Variants in MAST4 observed in about 807,000 individuals in gnomAD.
MAST4 encodes microtubule-associated serine/threonine-protein kinase 4.
A neutral mutation model predicts 162.7 loss-of-function variants in MAST4; 89 were observed. The ratio of observed to expected loss-of-function variants is 0.55; its 90% CI spans 0.46 to 0.65. MAST4 has a LOEUF of 0.65. Among genes scored for constraint, MAST4 ranks in the 30% least tolerant of loss-of-function variants. The pLI is 0.00. For synonymous variants in MAST4, 1,479 were observed against 1,361.1 expected (o/e 1.09, Z -1.91); for missense variants, 3,153 against 3,374.0 (o/e 0.93, Z 1.62).
intron 4 of MAST4, among the ~76,000 whole-genome samples, chr5:67,042,142 A>G (rs902421316): frequency 6.6e-6 from 1 of 152,200 alleles, no homozygotes; most frequent in Non-Finnish European, 1.5e-5. Flanking sequence ...GTATATCCAT[A>G]TGTCTCATGC....
intron 1 of MAST4, among the ~76,000 whole-genome samples, chr5:66,709,215 T>A (rs963703444): frequency 6.6e-6 from 1 of 152,176 alleles, no homozygotes; most frequent in East Asian, 1.9e-4. Flanking sequence ...TTGCTGATAC[T>A]TTGCTTTGTT....
intron 4 of MAST4, among the ~76,000 whole-genome samples, chr5:67,017,589 CTTTCTTTTTTCT>C (rs1051204187): frequency 1.3e-5 from 2 of 148,820 alleles, no homozygotes; most frequent in African/African-American, 2.5e-5. Flanking sequence ...GTATTTCTTT[CTTTCTTTTTTCT>C]TTTCTTTTTT....
At chr5:66,613,057 G>T (rs1414904126) in intron 1 of MAST4, among the ~76,000 whole-genome samples, 1 of 152,030 alleles carries the variant, frequency 6.6e-6, no homozygotes, top group African/African-American at 2.4e-5. Context: ...TATCTTGCTA[G>T]GTAATTAAAC....
At chr5:66,887,129 G>A (rs1013746032) in intron 3 of MAST4, among the ~76,000 whole-genome samples, 12 of 152,176 alleles carry the variant, frequency 7.9e-5, no homozygotes, top group Non-Finnish European at 1.6e-4. Flanking sequence ...TGTCACAAAT[G>A]TGATGCCATT....
intron 11 of MAST4, among the ~76,000 whole-genome samples, chr5:67,113,313 C>CAAAAAAA (rs34018550): frequency 1.2e-4 from 8 of 67,376 alleles, no homozygotes; most frequent in Admixed American, 4.6e-4. Flanking sequence ...GACTCCGTCT[C>CAAAAAAA]AAAAAAAAAA....
chr5:67,031,447 T>C (rs1467274469), intron 4 of MAST4, among the ~76,000 whole-genome samples: 1 of 150,292 alleles, frequency 6.7e-6, no homozygotes, highest in African/African-American at 2.4e-5. Context: ...GGCCCTGTTA[T>C]CATAATGGAT....
rs374941702 is a variant in MAST4 at position 67,108,440 on chromosome 5, A to G, written c.1357-1658A>G. ...AACCGTATTTTTTGGCATTCACTGG[A>G]TCTTCCAAAAATCTATTTTTGTTGC... On this transcript the variant is annotated intron_variant, in intron 10 of 28. Coordinates refer to ENST00000403625, the MANE Select transcript of MAST4 (RefSeq NM_001164664.2). Among the ~76,000 whole-genome samples, 93 of 152,266 alleles carry G rather than the reference A, an allele frequency of 6.1e-4. 1 individual carries two copies. In the South Asian group the frequency reaches 9.5e-3, roughly 16 times the overall value.
chr5:67,091,793 T>TA (rs946244173), intron 6 of MAST4, among the ~76,000 whole-genome samples: 3 of 151,996 alleles, frequency 2.0e-5, no homozygotes, highest in Non-Finnish European at 2.9e-5. Flanking sequence ...TCCATGCTAT[T>TA]AAAAAAATAC....
intron 3 of MAST4, among the ~76,000 whole-genome samples, chr5:66,845,844 T>C (rs1758816784): frequency 6.6e-6 from 1 of 152,140 alleles, no homozygotes; most frequent in African/African-American, 2.4e-5. Flanking sequence ...AATAAATAAA[T>C]AGACATTTAT....
At chr5:66,934,824 C>T (rs576121557) in intron 4 of MAST4, among the ~76,000 whole-genome samples, 1 of 152,154 alleles carries the variant, frequency 6.6e-6, no homozygotes, top group African/African-American at 2.4e-5. Context: ...TGTTGTCAAA[C>T]CATGAGCTCT....
intron 3 of MAST4, among the ~76,000 whole-genome samples, chr5:66,848,949 C>T (rs959783275): frequency 1.3e-5 from 2 of 152,128 alleles, no homozygotes; most frequent in Admixed American, 1.3e-4. Context: ...TGCTGCGTTC[C>T]CCAGCGTTAT....
intron 4 of MAST4, among the ~76,000 whole-genome samples, chr5:66,921,354 G>C (rs1687409045): frequency 6.6e-6 from 1 of 152,178 alleles, no homozygotes; most frequent in Admixed American, 6.5e-5. Context: ...ACCTAATGAG[G>C]TGAGGTAAAC....
At chr5:66,709,786 T>C (rs912741709) in intron 1 of MAST4, among the ~76,000 whole-genome samples, 3 of 152,226 alleles carry the variant, frequency 2.0e-5, no homozygotes, top group Admixed American at 2.0e-4. Flanking sequence ...GAATCCCCAC[T>C]TTATAACTTA....
intron 5 of MAST4, among the ~76,000 whole-genome samples, chr5:67,084,881 T>C (rs999448216): frequency 1.9e-4 from 29 of 152,302 alleles, no homozygotes; most frequent in African/African-American, 7.0e-4. Flanking sequence ...GATTTAAAAA[T>C]GTTATTTGCT....
chr5:66,849,742 A>G (rs1376919191), intron 3 of MAST4, among the ~76,000 whole-genome samples: 1 of 152,208 alleles, frequency 6.6e-6, no homozygotes, highest in East Asian at 1.9e-4. Context: ...TACATGGTCA[A>G]TAAATATTTG....
intron 4 of MAST4, among the ~76,000 whole-genome samples, chr5:66,910,741 C>CTTTTTTTTTTTTTTTT (rs1176127841): frequency 5.0e-4 from 10 of 20,100 alleles, no homozygotes; most frequent in African/African-American, 1.0e-3. Context: ...TTTTTTTTTT[C>CTTTTTTTTTTTTTTTT]TTTTTTTTTT....
At chr5:66,834,170 T>C (rs2149766490) in intron 3 of MAST4, among the ~76,000 whole-genome samples, 1 of 151,290 alleles carries the variant, frequency 6.6e-6, no homozygotes, top group East Asian at 1.9e-4. Flanking sequence ...GAGAAGAACT[T>C]AATAGAGGGT....
At chr5:66,715,666 A>T (rs978232983) in intron 1 of MAST4, among the ~76,000 whole-genome samples, 1 of 136,450 alleles carries the variant, frequency 7.3e-6, no homozygotes, top group Admixed American at 8.2e-5. Flanking sequence ...AACTTAAAGT[A>T]TAATAATAAT....
chr5:66,600,924 A>T (rs894707054), intron 1 of MAST4, among the ~76,000 whole-genome samples: 2 of 152,160 alleles, frequency 1.3e-5, no homozygotes, highest in Non-Finnish European at 2.9e-5. Context: ...ACCCATGTAT[A>T]CTCTGCTACA....
Sources: allele counts gnomAD v4.1 joint callset (sites outside exome capture counted in the v4.1 genomes callset), GRCh38; gene constraint gnomAD v4.1.1; transcripts MANE v1.5; gene names NCBI Gene and HGNC (gene_info 2026-07-23, HGNC 2026-07-21).